STAU2: variants seen among roughly 807,000 people sequenced by gnomAD.
The protein encoded by STAU2 is double-stranded RNA-binding protein Staufen homolog 2.
A neutral mutation model predicts 65.9 loss-of-function variants in STAU2; 20 were observed. The observed-to-expected ratio is 0.30, with a 90% CI of 0.21 to 0.44. The LOEUF is 0.44. Ranked by LOEUF, STAU2 falls within the 20% of genes least tolerant of loss-of-function variation. The pLI is 1.00. For missense variants in STAU2, 558 were observed against 683.9 expected, an observed-to-expected ratio of 0.82 and a Z score of 2.05; for synonymous variants, 232 against 233.9, an observed-to-expected ratio of 0.99 and a Z score of 0.07.
chr8:73,424,240 G>A (rs186420103), intron 13 of STAU2, among the ~76,000 whole-genome samples: 2,731 of 127,760 alleles, frequency 0.021, 100 homozygotes, highest in African/African-American at 0.079. Flanking sequence ...TTACTCTGTC[G>A]CCCAGGCTGG....
In STAU2 at chr8:73,673,236, A is replaced by G; in HGVS notation, c.281T>C (p.Ile94Thr). 1 of 1,563,622 alleles carries G rather than the reference A, an allele frequency of 6.4e-7. No homozygotes were observed. Among genetic ancestry groups the G allele is most frequent in the South Asian group, 1.2e-5 (1 of 82,314 alleles). The change falls in exon 6 of 15, where the codon ATA becomes ACA. Residue 94 changes from isoleucine (I) to threonine (T), a missense_variant. Coordinates refer to ENST00000524300, the MANE Select transcript of STAU2 (RefSeq NM_001164380.2). Reference sequence around the variant, plus strand: ...CCCATTCAGTTCCACAGTTGGAGTTATACTGCCTGTTTAAAAAAAAAACAT... The same window carrying G: ...CCCATTCAGTTCCACAGTTGGAGTTGTACTGCCTGTTTAAAAAAAAAACAT... ...KSNVNNNPGSITPTVELNGLA... is the reference protein window; with the variant it reads ...KSNVNNNPGSTTPTVELNGLA...
intron 13 of STAU2, among the ~76,000 whole-genome samples, chr8:73,448,671 G>T (rs973802147): frequency 6.6e-6 from 1 of 152,248 alleles, no homozygotes; most frequent in African/African-American, 2.4e-5. Flanking sequence ...GTGAGGTCAT[G>T]GGACTCATCC....
At chr8:73,744,602 T>G (rs1563544310) in intron 1 of STAU2, among the ~76,000 whole-genome samples, 1 of 152,206 alleles carries the variant, frequency 6.6e-6, no homozygotes, top group Non-Finnish European at 1.5e-5. Context: ...AGATTTTTTT[T>G]ATATTCATAC....
intron 13 of STAU2, among the ~76,000 whole-genome samples, chr8:73,540,345 C>T (rs1295435593): frequency 6.6e-6 from 1 of 152,130 alleles, no homozygotes; most frequent in East Asian, 1.9e-4. Flanking sequence ...CCAAGAATTG[C>T]CAGCAGCCAC....
At chr8:73,627,231 GCAGGA>G (rs1231288627) in intron 6 of STAU2, among the ~76,000 whole-genome samples, 256 of 27,130 alleles carry the variant, frequency 9.4e-3, no homozygotes, top group Non-Finnish European at 0.016. Context: ...GGAGGGGGGG[GCAGGA>G]GGGCGGGTTC....
chr8:73,746,683 C>T, intron 1 of STAU2, 100 bp downstream of exon 1: 2 of 716,304 alleles, frequency 2.8e-6, no homozygotes, highest in Non-Finnish European at 3.8e-6. Flanking sequence ...CTCCGGGTTC[C>T]CCGTGCTGCG....
In STAU2 at chr8:73,552,201, A is replaced by T; in HGVS notation, c.1341T>A (p.Pro447=). 3 of 1,614,006 alleles carry T rather than the reference A, an allele frequency of 1.9e-6. No homozygotes were observed. The highest frequency in any genetic ancestry group is 2.5e-6 in the Non-Finnish European group (3 of 1,179,894). The change falls in exon 13 of 15, where the codon CCT becomes CCA. Residue 447 remains proline (P), a synonymous_variant. Transcript: ENST00000524300. ...GYLSPKDMNQ[P]SSSFFSISPT... ...GAGATATACTGAAGAAAGAGCTTGA[A>T]GGTTGGTTCATATCTTTGGGTGACA... is the stretch of plus-strand genomic sequence containing the variant.
intron 10 of STAU2, among the ~76,000 whole-genome samples, chr8:73,599,030 T>TCAA (rs1811428948): frequency 6.6e-6 from 1 of 152,214 alleles, no homozygotes; most frequent in Non-Finnish European, 1.5e-5. Flanking sequence ...AAGACAATAC[T>TCAA]AATGTAATAG....
chr8:73,539,822 C>T (rs528716423), intron 13 of STAU2, among the ~76,000 whole-genome samples: 27 of 144,156 alleles, frequency 1.9e-4, no homozygotes, highest in African/African-American at 6.2e-4. Context: ...CAGCCCTGGG[C>T]GACAGAGTGA....
chr8:73,746,100 T>A (rs887995804), intron 1 of STAU2, among the ~76,000 whole-genome samples: 1 of 152,060 alleles, frequency 6.6e-6, no homozygotes, highest in African/African-American at 2.4e-5. Flanking sequence ...TAGGAGTTCG[T>A]AACAGCCACA....
At chr8:73,443,375 T>C (rs759767273) in intron 13 of STAU2, among the ~76,000 whole-genome samples, 25 of 152,226 alleles carry the variant, frequency 1.6e-4, no homozygotes, top group Non-Finnish European at 7.3e-5. Context: ...CTAGTATTAT[T>C]AGCCAAATAA....
chr8:73,516,997 A>G (rs917160094), intron 13 of STAU2, among the ~76,000 whole-genome samples: 3 of 152,184 alleles, frequency 2.0e-5, no homozygotes, highest in Non-Finnish European at 4.4e-5. Context: ...GGTTTTTAGA[A>G]TATTTCCCCA....
chr8:73,513,414 C>G lies in STAU2; in HGVS notation c.1530+38598G>C, dbSNP rs533422251. Among the ~76,000 whole-genome samples the G allele has an allele frequency of 6.6e-5, 10 of 152,256 alleles. No individual in the cohort carries two copies. The South Asian group carries it at 2.1e-3, about 32-fold the overall frequency. On this transcript the variant is annotated intron_variant, in intron 13 of 14. Transcript: ENST00000524300. ...AGCTAGTAAAGCTTTTACCCTCTGC[C>G]CATGGGTCTGTGGTTGGGTTGGGGG...
Position 73,703,976 on chromosome 8 carries a change from T to C in STAU2, c.114+5056A>G, listed in dbSNP as rs549465846. 3.3e-5 allele frequency among the ~76,000 whole-genome samples: 5 copies of C among 152,366 alleles called. No individual in the cohort carries two copies. The South Asian group carries it at 1.0e-3, about 32-fold the overall frequency. On this transcript the variant is annotated intron_variant, in intron 4 of 14. Transcript: ENST00000524300. The stretch of plus-strand genomic sequence containing the variant: ...AAAAAATGTTCTCCCATCTTTTTAG[T>C]ATTTTCTCTCTCATGACTCTTTACT...
chr8:73,594,433 C>T (rs1042101193), intron 11 of STAU2, among the ~76,000 whole-genome samples: 1 of 152,122 alleles, frequency 6.6e-6, no homozygotes, highest in African/African-American at 2.4e-5. Flanking sequence ...AAGCATATTA[C>T]TTTTGATAAA....
intron 4 of STAU2, among the ~76,000 whole-genome samples, chr8:73,701,057 C>A (rs6986125): frequency 0.2 from 30,937 of 151,958 alleles, 3,526 homozygotes; most frequent in East Asian, 0.37. Flanking sequence ...ACTGGGAAAG[C>A]TAGATATCCA....
intron 11 of STAU2, among the ~76,000 whole-genome samples, chr8:73,591,798 C>A (rs1321072167): frequency 7.0e-6 from 1 of 143,488 alleles, no homozygotes; most frequent in African/African-American, 2.6e-5. Flanking sequence ...AGATACAGGG[C>A]CTGAAAGAAG....
chr8:73,600,977 T>A, intron 10 of STAU2, among the ~76,000 whole-genome samples: 1 of 152,248 alleles, frequency 6.6e-6, no homozygotes, highest in East Asian at 1.9e-4. Flanking sequence ...AACATCACTT[T>A]ATTATAAAAG....
intron 6 of STAU2, among the ~76,000 whole-genome samples, chr8:73,643,181 A>T (rs1053275688): frequency 6.6e-6 from 1 of 152,208 alleles, no homozygotes; most frequent in Non-Finnish European, 1.5e-5. Context: ...GGCAAAAGCA[A>T]GAATCCTAAA....
Sources: gnomAD v4.1 joint callset for allele counts (sites outside exome capture counted in the v4.1 genomes callset) on GRCh38, gnomAD v4.1.1 for gene constraint, MANE v1.5 for transcripts, NCBI Gene and HGNC (gene_info 2026-07-23, HGNC 2026-07-21) for gene names.